PLA2G4E: variants seen among roughly 807,000 people sequenced by gnomAD.
PLA2G4E encodes the protein phospholipase A2 group IVE.
Under a neutral mutation model 109.1 loss-of-function variants are expected in PLA2G4E, and 84 were observed. The observed-to-expected ratio is 0.77, with a 90% CI of 0.65 to 0.92. PLA2G4E has a LOEUF of 0.92. Among genes scored for constraint, PLA2G4E ranks in the 40% least tolerant of loss-of-function variants. The pLI, the probability that PLA2G4E is intolerant of heterozygous loss-of-function variation, is 0.00. For synonymous variants in PLA2G4E, 469 were observed against 436.1 expected (o/e 1.08, Z -0.94); for missense variants, 1,057 against 1,076.6 (o/e 0.98, Z 0.25).
intron 12 of PLA2G4E, among the ~76,000 whole-genome samples, chr15:41,994,859 A>C (rs1285607286): frequency 6.6e-6 from 1 of 152,260 alleles, no homozygotes. Flanking sequence ...CTAAAAGTAC[A>C]GTGAGCCGCA....
rs549489125 is a variant in PLA2G4E at position 42,016,040 on chromosome 15, A to G, written c.184-2283T>C. On this transcript the variant is annotated intron_variant, in intron 1 of 19. Coordinates refer to ENST00000399518, the Ensembl canonical transcript of PLA2G4E. ...GCCTACCAACCGAATGTCTGTATTT[A>G]TAGAAGCGTCTGAACCGGCACCCTC... is the stretch of plus-strand genomic sequence containing the variant. 2.0e-5 allele frequency among the ~76,000 whole-genome samples: 3 copies of G among 152,246 alleles called. No individual in the cohort carries two copies. The East Asian group carries it at 5.8e-4, about 29-fold the overall frequency.
intron 5 of PLA2G4E, among the ~76,000 whole-genome samples, chr15:42,004,659 T>G (rs527280780): frequency 2.0e-5 from 3 of 152,224 alleles, no homozygotes; most frequent in Admixed American, 6.5e-5. Flanking sequence ...CCCTTGGGAA[T>G]GTAGGGGGCC....
exon 13 of PLA2G4E, chr15:41,992,786 G>A: frequency 1.2e-6 from 2 of 1,613,336 alleles, no homozygotes; most frequent in Non-Finnish European, 1.7e-6. Context: ...GTCTGTAAAG[G>A]TGACCCTGTA....
intron 1 of PLA2G4E, among the ~76,000 whole-genome samples, chr15:42,039,091 A>G (rs190526258): frequency 6.6e-6 from 1 of 151,810 alleles, no homozygotes; most frequent in Non-Finnish European, 1.5e-5. Flanking sequence ...CTTTTCATTG[A>G]CTCCACCCAC....
chr15:42,018,049 G>A (rs922421258), intron 1 of PLA2G4E, among the ~76,000 whole-genome samples: 4 of 152,218 alleles, frequency 2.6e-5, no homozygotes, highest in African/African-American at 7.2e-5. Context: ...GATCATGCTG[G>A]GAGGAAGGTG....
intron 18 of PLA2G4E, 112 bp from the exon 19 acceptor site, chr15:41,984,731 C>T: frequency 9.7e-7 from 1 of 1,033,530 alleles, no homozygotes; most frequent in South Asian, 2.5e-5. Context: ...CTCAGCTCCC[C>T]AACTGCTTTG....
At chr15:42,040,463 C>T (rs1310099235) in intron 1 of PLA2G4E, among the ~76,000 whole-genome samples, 1 of 152,090 alleles carries the variant, frequency 6.6e-6, no homozygotes, top group East Asian at 1.9e-4. Context: ...ATTGTTTTAT[C>T]ATTATTAGTG....
exon 15 of PLA2G4E, chr15:41,989,547 A>T (rs1170083452): frequency 6.2e-7 from 1 of 1,613,210 alleles, no homozygotes; most frequent in Admixed American, 1.7e-5. Context: ...GAGAACTCGA[A>T]CCACTCTGCA....
intron 1 of PLA2G4E, among the ~76,000 whole-genome samples, chr15:42,020,424 G>A (rs1566846589): frequency 6.6e-6 from 1 of 152,208 alleles, no homozygotes; most frequent in Non-Finnish European, 1.5e-5. Flanking sequence ...CTCCCTGTGA[G>A]GCTGTGAGGA....
At chr15:42,042,361 T>C (rs1486206533) in intron 1 of PLA2G4E, among the ~76,000 whole-genome samples, 1 of 149,938 alleles carries the variant, frequency 6.7e-6, no homozygotes, top group Non-Finnish European at 1.5e-5. Flanking sequence ...TTCTGGATGA[T>C]GTTATTGGCA....
chr15:42,018,836 A>T (rs2068621231), intron 1 of PLA2G4E, among the ~76,000 whole-genome samples: 1 of 152,090 alleles, frequency 6.6e-6, no homozygotes, highest in African/African-American at 2.4e-5. Flanking sequence ...AGCCCCTTGA[A>T]TCTCAGGATT....
chr15:42,035,169 G>A (rs1889186518), intron 1 of PLA2G4E, among the ~76,000 whole-genome samples: 1 of 152,228 alleles, frequency 6.6e-6, no homozygotes, highest in South Asian at 2.1e-4. Context: ...CGTGGGGGAA[G>A]AGATCTTCCA....
At chr15:42,009,043 G>A (rs150789360) in intron 2 of PLA2G4E, 3 of 152,328 alleles carry the variant, frequency 2.0e-5, no homozygotes, top group Admixed American at 1.3e-4. Flanking sequence ...CATCCCTGAA[G>A]TCTGGTTAAT....
chr15:41,995,410 C>G, exon 12 of PLA2G4E: 1 of 1,613,710 alleles, frequency 6.2e-7, no homozygotes, highest in South Asian at 1.1e-5. Context: ...CCAGGAGGTT[C>G]AGCTTCTGCA....
intron 15 of PLA2G4E, 110 bp from the exon 16 acceptor site, chr15:41,988,266 C>T: frequency 1.3e-6 from 1 of 773,862 alleles, no homozygotes; most frequent in Non-Finnish European, 2.1e-6. Flanking sequence ...CCAGGCTGCT[C>T]CACAGGCGGG....
chr15:42,006,052 A>G lies in PLA2G4E; in HGVS notation c.463T>C (p.Tyr155His), dbSNP rs1461727325. The G allele has an allele frequency of 8.1e-6, 13 of 1,613,852 alleles. No homozygotes were observed. In the East Asian group the frequency reaches 2.9e-4, roughly 36 times the overall value. ...CGGAAACAGAGCTTGGTGAGGTCATAGAGAACTGTCAGGAGATGGTCATCT... is the reference window on the plus strand; with the variant it reads ...CGGAAACAGAGCTTGGTGAGGTCATGGAGAACTGTCAGGAGATGGTCATCT... Residue 155 changes from tyrosine to histidine, a missense_variant, in exon 4 of 20, where the codon TAT becomes CAT. By Grantham distance (83) the Tyr-to-His change is moderately conservative. Coordinates refer to ENST00000399518, the Ensembl canonical transcript of PLA2G4E.
chr15:42,039,970 A>G (rs1365129294), intron 1 of PLA2G4E, among the ~76,000 whole-genome samples: 1 of 152,234 alleles, frequency 6.6e-6, no homozygotes, highest in African/African-American at 2.4e-5. Context: ...AAAATGAAAA[A>G]ATGTTCAGTG....
intron 1 of PLA2G4E, among the ~76,000 whole-genome samples, chr15:42,030,047 G>A (rs1889086292): frequency 6.6e-6 from 1 of 152,106 alleles, no homozygotes; most frequent in Non-Finnish European, 1.5e-5. Context: ...ATTTGAACTT[G>A]CCCTTGAAGA....
intron 3 of PLA2G4E, among the ~76,000 whole-genome samples, chr15:42,006,409 G>A (rs1354895551): frequency 6.6e-6 from 1 of 152,192 alleles, no homozygotes; most frequent in Non-Finnish European, 1.5e-5. Context: ...GTGAAGTATG[G>A]AAGGATTTAG....
Sources: allele counts gnomAD v4.1 joint callset (sites outside exome capture counted in the v4.1 genomes callset), GRCh38; gene constraint gnomAD v4.1.1; transcripts MANE v1.5; gene names NCBI Gene and HGNC (gene_info 2026-07-23, HGNC 2026-07-21).